Variants in CFAP95 observed in about 807,000 individuals in gnomAD.
CFAP95 encodes cilia- and flagella-associated protein 95.
the CFAP95 span, among the ~76,000 whole-genome samples, chr9:69,822,874 A>C: frequency 1.3e-5 from 2 of 152,226 alleles, no homozygotes; most frequent in African/African-American, 4.8e-5. Context: ...AATTCAACCC[A>C]ACATACATTT....
chr9:69,875,845 AT>A, the CFAP95 span, among the ~76,000 whole-genome samples: 4 of 152,204 alleles, frequency 2.6e-5, no homozygotes, highest in African/African-American at 9.6e-5. Context: ...GTTTATCATG[AT>A]TTATATGGCC....
At chr9:69,829,475 G>T in the CFAP95 span, among the ~76,000 whole-genome samples, 29,102 of 152,068 alleles carry the variant, frequency 0.19, 3,021 homozygotes, top group East Asian at 0.33. Flanking sequence ...GTATACAGAA[G>T]AGGCATTTCA....
the CFAP95 span, among the ~76,000 whole-genome samples, chr9:69,897,613 T>C: frequency 2.0e-4 from 30 of 152,130 alleles, no homozygotes; most frequent in African/African-American, 6.5e-4. Flanking sequence ...TACCAGAAGA[T>C]TGAAAAAAAT....
At chr9:69,879,214 A>G in the CFAP95 span, among the ~76,000 whole-genome samples, 1 of 152,192 alleles carries the variant, frequency 6.6e-6, no homozygotes, top group East Asian at 1.9e-4. Context: ...TTGCTCTTTT[A>G]ATCAGTAGAT....
At chr9:69,846,693 C>A in the CFAP95 span, among the ~76,000 whole-genome samples, 1 of 152,210 alleles carries the variant, frequency 6.6e-6, no homozygotes, top group African/African-American at 2.4e-5. Flanking sequence ...AGCCCCCACA[C>A]CTTCACATGC....
At chr9:69,888,261 C>T in the CFAP95 span, among the ~76,000 whole-genome samples, 4 of 151,892 alleles carry the variant, frequency 2.6e-5, no homozygotes, top group East Asian at 1.9e-4. Flanking sequence ...GGGTTTAGGA[C>T]GCCACCTTCA....
At chr9:69,855,829 C>T in the CFAP95 span, among the ~76,000 whole-genome samples, 1 of 152,012 alleles carries the variant, frequency 6.6e-6, no homozygotes, top group Non-Finnish European at 1.5e-5. Context: ...CTTTAAAAAA[C>T]AACAACAACA....
At chr9:69,882,339 G>A in the CFAP95 span, among the ~76,000 whole-genome samples, 2 of 152,166 alleles carry the variant, frequency 1.3e-5, no homozygotes, top group African/African-American at 4.8e-5. Flanking sequence ...TATCAGTATA[G>A]TTTCTTTGGT....
At chr9:69,843,606 CT>C in the CFAP95 span, among the ~76,000 whole-genome samples, 12 of 74,734 alleles carry the variant, frequency 1.6e-4, no homozygotes, top group African/African-American at 9.8e-4. Context: ...TCTTCTTCTT[CT>C]TCTTCTTCTT....
chr9:69,831,778 T>C, the CFAP95 span, among the ~76,000 whole-genome samples: 1 of 152,336 alleles, frequency 6.6e-6, no homozygotes, highest in African/African-American at 2.4e-5. Context: ...AGAGCAGTAC[T>C]ACCCTTTCCC....
the CFAP95 span, among the ~76,000 whole-genome samples, chr9:69,839,048 G>A: frequency 6.0e-4 from 17 of 28,528 alleles, no homozygotes; most frequent in African/African-American, 1.2e-3. Context: ...ATTGATTTGC[G>A]TATATTGAAC....
At chr9:69,868,793 T>C in the CFAP95 span, among the ~76,000 whole-genome samples, 1 of 142,954 alleles carries the variant, frequency 7.0e-6, no homozygotes, top group Non-Finnish European at 1.5e-5. Flanking sequence ...AAGGAACTCA[T>C]ACAACTTATT....
chr9:69,865,550 A>G, the CFAP95 span, among the ~76,000 whole-genome samples: 1 of 151,810 alleles, frequency 6.6e-6, no homozygotes, highest in Admixed American at 6.6e-5. Context: ...CCCCATTTCT[A>G]CCTCCCCACA....
chr9:69,856,181 A>G, the CFAP95 span, among the ~76,000 whole-genome samples: 1 of 152,192 alleles, frequency 6.6e-6, no homozygotes, highest in South Asian at 2.1e-4. Flanking sequence ...GATGATGATG[A>G]TATCTGAAGT....
the CFAP95 span, among the ~76,000 whole-genome samples, chr9:69,834,509 T>C: frequency 6.6e-6 from 1 of 152,236 alleles, no homozygotes; most frequent in Non-Finnish European, 1.5e-5. Flanking sequence ...TTCAAAGTCA[T>C]GTGTTTGGCA....
chr9:69,830,947 A>C, the CFAP95 span, among the ~76,000 whole-genome samples: 1 of 152,196 alleles, frequency 6.6e-6, no homozygotes, highest in South Asian at 2.1e-4. Context: ...GATGTGTGCC[A>C]TTGCATCCAG....
the CFAP95 span, among the ~76,000 whole-genome samples, chr9:69,872,965 A>G: frequency 6.6e-6 from 1 of 152,176 alleles, no homozygotes; most frequent in Non-Finnish European, 1.5e-5. Flanking sequence ...TTGGGAGGCT[A>G]CAATACAGGT....
the CFAP95 span, among the ~76,000 whole-genome samples, chr9:69,825,830 A>C: frequency 6.6e-6 from 1 of 152,208 alleles, no homozygotes; most frequent in Admixed American, 6.5e-5. Flanking sequence ...AACAAGTGAT[A>C]ATAATTTAAA....
At chr9:69,857,586 G>A in the CFAP95 span, among the ~76,000 whole-genome samples, 366 of 152,230 alleles carry the variant, frequency 2.4e-3, no homozygotes, top group African/African-American at 7.8e-3. Context: ...GGACAGTGGC[G>A]TGATCTTGGC....
Sources: allele counts gnomAD v4.1 joint callset (sites outside exome capture counted in the v4.1 genomes callset), GRCh38; gene constraint gnomAD v4.1.1; transcripts MANE v1.5; gene names NCBI Gene and HGNC (gene_info 2026-07-23, HGNC 2026-07-21).